The following TENM1 variants were observed in gnomAD, a reference collection of about 807,000 sequenced individuals.
The protein encoded by TENM1 is teneurin transmembrane protein 1.
A neutral mutation model predicts 174.8 loss-of-function variants in TENM1; 35 were observed. The observed-to-expected ratio is 0.20, with a 90% confidence interval of 0.15 to 0.27. TENM1 has a LOEUF of 0.27. TENM1 is among the 10% of genes least tolerant of loss of function. TENM1 has a pLI of 1.00. For synonymous variants in TENM1, 781 were observed against 798.7 expected (o/e 0.98, Z 0.37); for missense variants, 1,633 against 2,130.1 (o/e 0.77, Z 4.59).
intron 25 of TENM1, chrX:124,411,842 T>A (rs957064479): frequency 8.9e-6 from 1 of 112,330 alleles, no homozygotes; most frequent in Non-Finnish European, 1.9e-5. Flanking sequence ...CTTTCCAGAC[T>A]GAGTGTCGAA....
At chrX:125,152,825 T>A in the TENM1 span, among the ~76,000 whole-genome samples, 10 of 112,208 alleles carry the variant, frequency 8.9e-5, no homozygotes, top group Non-Finnish European at 1.5e-4. Flanking sequence ...AAATCAGTGA[T>A]GGTACAAAGA....
intron 5 of TENM1, among the ~76,000 whole-genome samples, chrX:124,680,876 ACT>A (rs1360691289): frequency 2.7e-5 from 3 of 110,226 alleles, no homozygotes; most frequent in Admixed American, 1.9e-4. Context: ...ATATTCTCCT[ACT>A]CTCTTTCCTG....
intron 14 of TENM1, among the ~76,000 whole-genome samples, chrX:124,550,528 A>G (rs183083130): frequency 2.4e-3 from 263 of 111,310 alleles, no homozygotes; most frequent in South Asian, 4.6e-3. Context: ...ACAAACAAAG[A>G]AGGGGAGGCT....
intron 1 of TENM1, among the ~76,000 whole-genome samples, chrX:124,960,755 C>T (rs1346788776): frequency 2.7e-5 from 3 of 111,931 alleles, no homozygotes; most frequent in Non-Finnish European, 5.6e-5. Context: ...AAACCCACAA[C>T]CCATAAATCA....
intron 16 of TENM1, among the ~76,000 whole-genome samples, chrX:124,527,950 C>T (rs1352077781): frequency 9.4e-6 from 1 of 106,680 alleles, no homozygotes; most frequent in African/African-American, 3.4e-5. Context: ...GCCACCGTGC[C>T]CGGCCGACCT....
intron 14 of TENM1, among the ~76,000 whole-genome samples, chrX:124,553,268 G>C (rs1021557781): frequency 1.7e-4 from 19 of 109,651 alleles, no homozygotes; most frequent in South Asian, 1.2e-3. Flanking sequence ...AGACTGAGGG[G>C]GGGGGTGGAT....
At chrX:124,967,252 T>TGGAC (rs1418546200), upstream of TENM1, among the ~76,000 whole-genome samples, 1 of 111,199 alleles carries the variant, frequency 9.0e-6, no homozygotes, top group African/African-American at 3.3e-5. Flanking sequence ...AGAAGAAAGG[T>TGGAC]GGACAGTTGT....
chrX:124,835,144 T>G (rs1212530284), intron 3 of TENM1, among the ~76,000 whole-genome samples: 1 of 111,930 alleles, frequency 8.9e-6, no homozygotes, highest in African/African-American at 3.2e-5. Context: ...CATATGTGAT[T>G]CCCACTGCCT....
At chrX:124,830,652 T>C (rs1040521168) in intron 3 of TENM1, among the ~76,000 whole-genome samples, 1 of 111,931 alleles carries the variant, frequency 8.9e-6, no homozygotes, top group African/African-American at 3.3e-5. Context: ...ATCCTGCAAA[T>C]TGCAGGGGAA....
chrX:124,640,007 T>G (rs942112968), intron 11 of TENM1, among the ~76,000 whole-genome samples: 1 of 110,677 alleles, frequency 9.0e-6, no homozygotes, highest in African/African-American at 3.3e-5. Flanking sequence ...TGTTCACTAC[T>G]ATAACCCTAG....
intron 3 of TENM1, among the ~76,000 whole-genome samples, chrX:124,776,572 G>A (rs1177034877): frequency 8.9e-6 from 1 of 112,030 alleles, no homozygotes; most frequent in Non-Finnish European, 1.9e-5. Flanking sequence ...GATGAATATC[G>A]ATTGAAAAGC....
intron 1 of TENM1, among the ~76,000 whole-genome samples, chrX:124,910,514 A>G (rs1692000044): frequency 1.8e-5 from 2 of 112,118 alleles, no homozygotes; most frequent in East Asian, 2.8e-4. Flanking sequence ...TTGGTCCCCA[A>G]ATCATCACCT....
At chrX:124,723,603 G>T (rs28431787) in intron 4 of TENM1, among the ~76,000 whole-genome samples, 2,364 of 73,601 alleles carry the variant, frequency 0.032, 36 homozygotes, top group African/African-American at 0.075. Flanking sequence ...TTTTTTTTTT[G>T]TTTTTTTTTT....
chrX:125,069,376 C>T, the TENM1 span, among the ~76,000 whole-genome samples: 2 of 111,684 alleles, frequency 1.8e-5, no homozygotes, highest in African/African-American at 6.5e-5. Flanking sequence ...ATATATCTAC[C>T]ACATTTTCTT....
chrX:124,823,539 C>T (rs767350339), intron 3 of TENM1, among the ~76,000 whole-genome samples: 164 of 109,887 alleles, frequency 1.5e-3, no homozygotes, highest in African/African-American at 5.0e-3. Context: ...TCCTTTTGCC[C>T]GGCAAAGGAG....
chrX:125,066,907 T>G, the TENM1 span, among the ~76,000 whole-genome samples: 1 of 111,643 alleles, frequency 9.0e-6, no homozygotes, highest in Non-Finnish European at 1.9e-5. Flanking sequence ...TTTAAAACAT[T>G]AGTTCATTTT....
At chrX:124,900,852 T>A (rs1392682104) in intron 1 of TENM1, among the ~76,000 whole-genome samples, 1 of 106,394 alleles carries the variant, frequency 9.4e-6, no homozygotes, top group Non-Finnish European at 1.9e-5. Context: ...AGCACAATGG[T>A]GTGGTCTCGG....
chrX:125,000,454 T>C, the TENM1 span, among the ~76,000 whole-genome samples: 1 of 111,731 alleles, frequency 9.0e-6, no homozygotes, highest in Non-Finnish European at 1.9e-5. Flanking sequence ...GAAAGTTACA[T>C]TGTTTTATAG....
chrX:124,900,406 T>A (rs1178414609), intron 1 of TENM1, among the ~76,000 whole-genome samples: 4 of 111,931 alleles, frequency 3.6e-5, no homozygotes, highest in Non-Finnish European at 7.5e-5. Flanking sequence ...GAGAGATGGA[T>A]AACAAGGGAC....
Sources: gnomAD v4.1 joint callset for allele counts (sites outside exome capture counted in the v4.1 genomes callset) on GRCh38, gnomAD v4.1.1 for gene constraint, MANE v1.5 for transcripts, NCBI Gene and HGNC (gene_info 2026-07-23, HGNC 2026-07-21) for gene names.